MYO9A: variants seen among roughly 807,000 people sequenced by gnomAD.
MYO9A encodes myosin IXA, also known as unconventional myosin-IXa.
MYO9A carries 103 observed loss-of-function variants against 293.3 expected under a neutral mutation model. That is an observed-to-expected ratio of 0.35 (90% CI 0.30 to 0.41). The LOEUF is 0.41. Among genes scored for constraint, MYO9A ranks in the 10% least tolerant of loss-of-function variants. MYO9A has a pLI of 1.00. For synonymous variants in MYO9A, 1,001 were observed against 1,035.7 expected (o/e 0.97, Z 0.64); for missense variants, 2,685 against 3,033.0 (o/e 0.89, Z 2.69).
At chr15:71,975,442 T>C (rs1448469668) in intron 12 of MYO9A, among the ~76,000 whole-genome samples, 1 of 148,732 alleles carries the variant, frequency 6.7e-6, no homozygotes, top group African/African-American at 2.5e-5. Flanking sequence ...TTTTCGTCCA[T>C]GGTTCCTGAC....
chr15:71,971,493 G>A (rs924691354), intron 12 of MYO9A, among the ~76,000 whole-genome samples: 7 of 150,834 alleles, frequency 4.6e-5, no homozygotes, highest in East Asian at 2.0e-4. Flanking sequence ...AGGCTGAGGC[G>A]AGATCACTCG....
chr15:72,048,801 T>C (rs917223295), intron 1 of MYO9A, among the ~76,000 whole-genome samples: 3 of 152,230 alleles, frequency 2.0e-5, no homozygotes, highest in Non-Finnish European at 2.9e-5. Context: ...CAGATTAATA[T>C]TGGACAGAAC....
intron 2 of MYO9A, among the ~76,000 whole-genome samples, chr15:72,044,754 A>G (rs1282420228): frequency 6.6e-6 from 1 of 152,250 alleles, no homozygotes; most frequent in Non-Finnish European, 1.5e-5. Flanking sequence ...CACAGCTGTT[A>G]AGCTTGCAGA....
At chr15:71,920,518 TTGAAATTCCCTGCCTCTTA>T (rs1205474718) in intron 18 of MYO9A, among the ~76,000 whole-genome samples, 1 of 152,228 alleles carries the variant, frequency 6.6e-6, no homozygotes, top group Non-Finnish European at 1.5e-5. Context: ...AAACTTGATT[TTGAAATTCCCTGCCTCTTA>T]CACTGTAATA....
At chr15:71,973,470 C>T (rs548882634) in intron 12 of MYO9A, among the ~76,000 whole-genome samples, 1 of 152,208 alleles carries the variant, frequency 6.6e-6, no homozygotes, top group South Asian at 2.1e-4. Context: ...TGATGTAGGA[C>T]ACAGGGCTCA....
chr15:72,021,053 G>A (rs1192033763), intron 4 of MYO9A, 36 bp from the exon 5 acceptor site: 13 of 1,321,288 alleles, frequency 9.8e-6, no homozygotes, highest in Non-Finnish European at 1.4e-5. Flanking sequence ...TTCATAATGT[G>A]TGACTTATGG....
chr15:71,933,242 A>T (rs576708836), intron 18 of MYO9A, among the ~76,000 whole-genome samples: 12 of 152,320 alleles, frequency 7.9e-5, no homozygotes, highest in Admixed American at 3.3e-4. Flanking sequence ...CAGAAACCAT[A>T]AGCCTGAAAA....
chr15:71,905,856 T>C (rs918445774), intron 19 of MYO9A, among the ~76,000 whole-genome samples: 1 of 152,010 alleles, frequency 6.6e-6, no homozygotes, highest in Non-Finnish European at 1.5e-5. Flanking sequence ...TTTCATTTCA[T>C]TGAATTCTGC....
chr15:71,869,598 G>A (rs142637528), intron 32 of MYO9A, among the ~76,000 whole-genome samples: 15 of 152,246 alleles, frequency 9.9e-5, no homozygotes, highest in African/African-American at 3.1e-4. Flanking sequence ...TAAGGGATAC[G>A]GTTTATTTGT....
chr15:72,069,934 A>T (rs1337206964), intron 1 of MYO9A, among the ~76,000 whole-genome samples: 1 of 151,124 alleles, frequency 6.6e-6, no homozygotes, highest in Non-Finnish European at 1.5e-5. Context: ...CCTAGGCAAC[A>T]CGGTGAAACC....
Position 72,008,487 on chromosome 15 carries a change from T to C in MYO9A, c.1254-535A>G, listed in dbSNP as rs534894755. Among the ~76,000 whole-genome samples, 37 of 141,750 alleles carry C rather than the reference T, an allele frequency of 2.6e-4. 1 individual carries two copies. Among genetic ancestry groups the C allele is most frequent in the African/African-American group, 7.9e-4 (29 of 36,844 alleles). 93.0% of individuals were successfully genotyped at this position (141,750 alleles called of 152,430 possible). Reference sequence around the variant, plus strand: ...TGTGTGTGTGTGTGAATGGGGTAAATGGGTGTGTGTGTGTGTGTATGTGTG... The same window carrying C: ...TGTGTGTGTGTGTGAATGGGGTAAACGGGTGTGTGTGTGTGTGTATGTGTG... On this transcript the variant is annotated intron_variant, in intron 7 of 41. Transcript: ENST00000356056.
intron 14 of MYO9A, chr15:71,959,629 C>G: frequency 3.6e-6 from 1 of 280,822 alleles, no homozygotes; most frequent in South Asian, 9.2e-5. Context: ...AATCCATGAA[C>G]TAAGAGTAAA....
chr15:71,896,495 T>C (rs2057331494), intron 25 of MYO9A, among the ~76,000 whole-genome samples: 1 of 152,112 alleles, frequency 6.6e-6, no homozygotes, highest in South Asian at 2.1e-4. Flanking sequence ...AAATTCTACT[T>C]ACGGCTGGGT....
intron 16 of MYO9A, among the ~76,000 whole-genome samples, chr15:71,935,926 ACACACT>A (rs2058629836): frequency 6.6e-6 from 1 of 151,456 alleles, no homozygotes; most frequent in Non-Finnish European, 1.5e-5. Context: ...ACACACACAC[ACACACT>A]CACTACTCAC....
chr15:71,847,383 T>C (rs1404263013), intron 39 of MYO9A: 2 of 437,546 alleles, frequency 4.6e-6, no homozygotes, highest in Non-Finnish European at 9.4e-6. Context: ...TAATGTAGAG[T>C]GGCTGTGACA....
chr15:72,038,880 AT>A (rs2078142030), intron 2 of MYO9A, among the ~76,000 whole-genome samples: 1 of 152,152 alleles, frequency 6.6e-6, no homozygotes, highest in South Asian at 2.1e-4. Flanking sequence ...TTCTTACTTC[AT>A]TCGTTTCTGC....
intron 17 of MYO9A, chr15:71,935,090 AACAAATAT>A (rs2058599038): frequency 9.0e-6 from 3 of 331,788 alleles, no homozygotes; most frequent in Non-Finnish European, 1.6e-5. Context: ...TCATCTCCAT[AACAAATAT>A]ACTCAGTCAT....
At chr15:71,893,629 T>C (rs1401264271) in intron 26 of MYO9A, 50 bp downstream of exon 26, 3 of 1,413,398 alleles carry the variant, frequency 2.1e-6, no homozygotes, top group Admixed American at 1.7e-5. Context: ...TCCAAAATAA[T>C]GTACATCTCT....
At chr15:71,928,424 G>A (rs1434471382) in intron 18 of MYO9A, among the ~76,000 whole-genome samples, 1 of 151,532 alleles carries the variant, frequency 6.6e-6, no homozygotes, top group Non-Finnish European at 1.5e-5. Flanking sequence ...TTGGCTATTT[G>A]GGGTTTTTTT....
Sources: allele counts gnomAD v4.1 joint callset (sites outside exome capture counted in the v4.1 genomes callset), GRCh38; gene constraint gnomAD v4.1.1; transcripts MANE v1.5; gene names NCBI Gene and HGNC (gene_info 2026-07-23, HGNC 2026-07-21).